The following SENP1 variants were observed in gnomAD, a reference collection of about 807,000 sequenced individuals.
SENP1 encodes the protein SUMO specific peptidase 1.
Under a neutral mutation model 93.0 loss-of-function variants are expected in SENP1, and 21 were observed. The observed-to-expected ratio is 0.23, with a 90% CI of 0.16 to 0.33. The LOEUF (loss-of-function observed/expected upper bound fraction) is 0.33. Ranked by LOEUF, SENP1 falls within the 10% of genes least tolerant of loss-of-function variation. The pLI is 1.00. For missense variants in SENP1, 591 were observed against 758.7 expected, an observed-to-expected ratio of 0.78 and a Z score of 2.60; for synonymous variants, 256 against 259.6, an observed-to-expected ratio of 0.99 and a Z score of 0.13.
At chr12:48,073,256 A>C (rs1463239217) in intron 8 of SENP1, among the ~76,000 whole-genome samples, 1 of 150,676 alleles carries the variant, frequency 6.6e-6, no homozygotes, top group Non-Finnish European at 1.5e-5. Flanking sequence ...TATGTTTCTG[A>C]GGTTAAAGGA....
intron 13 of SENP1, 196 bp downstream of exon 13, chr12:48,063,511 TAAA>T (rs1943091800): frequency 2.1e-6 from 1 of 480,908 alleles, no homozygotes; most frequent in Non-Finnish European, 3.6e-6. Context: ...TCTCAGACTT[TAAA>T]ATACACCTGA....
intron 13 of SENP1, among the ~76,000 whole-genome samples, chr12:48,059,933 G>T (rs1942845461): frequency 6.6e-6 from 1 of 152,040 alleles, no homozygotes; most frequent in South Asian, 2.1e-4. Context: ...CACCTGTGCT[G>T]GCTCTAAGAC....
intron 1 of SENP1, among the ~76,000 whole-genome samples, chr12:48,104,125 C>T (rs1441903957): frequency 4.0e-5 from 6 of 151,726 alleles, no homozygotes; most frequent in Admixed American, 3.9e-4. Context: ...GCAGGAGAAT[C>T]GCTTGAACCC....
chr12:48,053,836 T>C (rs2136816989), intron 13 of SENP1, among the ~76,000 whole-genome samples: 1 of 152,312 alleles, frequency 6.6e-6, no homozygotes, highest in South Asian at 2.1e-4. Context: ...GGCCTTTCAC[T>C]AGCTGGTGAA....
intron 1 of SENP1, chr12:48,105,162 T>C (rs1946404292): frequency 1.0e-5 from 3 of 287,334 alleles, no homozygotes; most frequent in African/African-American, 2.2e-5. Flanking sequence ...AGGCTTTATA[T>C]GAATATTACA....
intron 13 of SENP1, among the ~76,000 whole-genome samples, chr12:48,055,893 A>G (rs1165926553): frequency 7.1e-6 from 1 of 140,800 alleles, no homozygotes; most frequent in Non-Finnish European, 1.5e-5. Context: ...TATGCAATAT[A>G]TAAAAATATT....
chr12:48,045,383 T>C lies in SENP1; in HGVS notation c.1874A>G (p.Gln625Arg). Reference sequence around the variant, plus strand: ...CCGCTTCCGGAAGTATGGCATGTGTTGCTGTAGGGACACAGAGACACCCTT... The same window carrying C: ...CCGCTTCCGGAAGTATGGCATGTGTCGCTGTAGGGACACAGAGACACCCTT... ...TKDRPINFTQ[Q>R]HMPYFRKRMV... The change falls in exon 18 of 18, where the codon CAA becomes CGA. Residue 625 changes from glutamine to arginine, a missense_variant and splice_region_variant. Around this residue, in one of 4 missense-constraint regions of SENP1, gnomAD observed 132 missense variants for 230.1 expected, o/e 0.57. Coordinates refer to ENST00000549518, the MANE Select transcript of SENP1 (RefSeq NM_001267594.2). 6.2e-7 allele frequency: 1 copy of C among 1,613,234 alleles called. No individual in the cohort carries two copies. The highest frequency in any genetic ancestry group is 1.1e-5 in the South Asian group (1 of 91,056).
intron 11 of SENP1, among the ~76,000 whole-genome samples, 186 bp from the exon 12 acceptor site, chr12:48,065,406 A>T (rs1943232817): frequency 6.6e-6 from 1 of 152,208 alleles, no homozygotes. Flanking sequence ...GACTATCTAT[A>T]TTTGTCTTAT....
rs139681680 is a variant in SENP1 at position 48,101,793 on chromosome 12, C to A, written c.-44-277G>T. 6.5e-4 allele frequency among the ~76,000 whole-genome samples: 99 copies of A among 152,314 alleles called. 1 individual carries two copies. The East Asian group carries it at 0.018, about 27-fold the overall frequency. ...GCAAGAAGCAAATTGGGAGCGCCAA[C>A]CCTTAAGAGACTGAGTGGTTTGCAT... On this transcript the variant is annotated intron_variant, in intron 1 of 17. Transcript: ENST00000549518.
chr12:48,078,229 G>T (rs1944234493), intron 6 of SENP1, among the ~76,000 whole-genome samples: 1 of 149,486 alleles, frequency 6.7e-6, no homozygotes, highest in Admixed American at 6.7e-5. Flanking sequence ...ACAGTGCATA[G>T]AAATACTACT....
At chr12:48,065,340 T>G (rs1943227421) in intron 11 of SENP1, 120 bp from the exon 12 acceptor site, 4 of 816,326 alleles carry the variant, frequency 4.9e-6, no homozygotes, top group Non-Finnish European at 7.5e-6. Context: ...AAATGCCCAT[T>G]GCTTTCGCTT....
chr12:48,098,241 T>C (rs991386941), intron 2 of SENP1, 117 bp from the exon 3 acceptor site: 19 of 1,050,224 alleles, frequency 1.8e-5, no homozygotes, highest in Non-Finnish European at 2.5e-5. Flanking sequence ...GTCTCATGCC[T>C]GTAATCCCAG....
chr12:48,068,288 G>A (rs1943435792), intron 9 of SENP1, among the ~76,000 whole-genome samples: 1 of 152,172 alleles, frequency 6.6e-6, no homozygotes, highest in Non-Finnish European at 1.5e-5. Context: ...CTTTTCCAAA[G>A]AGATGCATTA....
intron 9 of SENP1, 82 bp from the exon 10 acceptor site, chr12:48,067,047 C>G: frequency 1.1e-6 from 1 of 932,594 alleles, no homozygotes; most frequent in South Asian, 1.5e-5. Context: ...TAAAAACAAT[C>G]ATTTAAATTG....
Position 48,101,330 on chromosome 12 carries a change from TA to T in SENP1, c.4+138del, listed in dbSNP as rs539567694. On this transcript the variant is annotated intron_variant, in intron 2 of 17. Transcript: ENST00000549518. ...ATTTTGTTTGGTATATAGTATTACA[TA>T]ATTAGGATTAAAATTTCTCTTAAAA... is the stretch of plus-strand genomic sequence containing the variant. 101 of 689,190 alleles carry T rather than the reference TA, an allele frequency of 1.5e-4. No homozygotes were observed. In the East Asian group the frequency reaches 2.6e-3, roughly 18 times the overall value. The allele number at this position is 689,190 out of a possible 1,614,324, so 42.7% of individuals were successfully genotyped here. A position where few individuals can be genotyped will look rare whatever the true frequency, so the allele number is the denominator to read the frequency against.
At chr12:48,053,799 A>G (rs1169621331) in intron 13 of SENP1, among the ~76,000 whole-genome samples, 1 of 152,146 alleles carries the variant, frequency 6.6e-6, no homozygotes, top group Non-Finnish European at 1.5e-5. Context: ...CCTGTCCCCC[A>G]TATTTCCTAT....
chr12:48,054,482 T>A (rs1489171468), intron 13 of SENP1, among the ~76,000 whole-genome samples: 1 of 152,198 alleles, frequency 6.6e-6, no homozygotes, highest in East Asian at 1.9e-4. Flanking sequence ...TGTAAACCTA[T>A]GTCTTTACAT....
chr12:48,084,350 C>G (rs1243080474), intron 5 of SENP1, among the ~76,000 whole-genome samples: 1 of 151,506 alleles, frequency 6.6e-6, no homozygotes, highest in Non-Finnish European at 1.5e-5. Context: ...AATTTTTTGT[C>G]TCTTTATACT....
intron 4 of SENP1, among the ~76,000 whole-genome samples, chr12:48,095,633 G>A (rs1945509626): frequency 6.6e-6 from 1 of 152,002 alleles, no homozygotes; most frequent in African/African-American, 2.4e-5. Flanking sequence ...GAAGCATGAG[G>A]AGTAAAAAGA....
Sources: gnomAD v4.1 joint callset for allele counts (sites outside exome capture counted in the v4.1 genomes callset) on GRCh38, gnomAD v4.1.1 for gene constraint, gnomAD v4.1.1 regional missense constraint, MANE v1.5 for transcripts, NCBI Gene and HGNC (gene_info 2026-07-23, HGNC 2026-07-21) for gene names.